The following PATJ variants were observed in gnomAD, a reference collection of about 807,000 sequenced individuals.
The protein encoded by PATJ is PATJ crumbs cell polarity complex component.
In PATJ, 190 loss-of-function variants were observed where a neutral mutation model predicts 224.9. The ratio of observed to expected loss-of-function variants is 0.84; its 90% CI spans 0.75 to 0.95. PATJ has a LOEUF of 0.95. PATJ is among the 40% of genes least tolerant of loss of function. PATJ has a pLI of 0.00. For missense variants in PATJ, 2,121 were observed against 2,270.3 expected (o/e 0.93, Z 1.34); for synonymous variants, 769 against 820.3 (o/e 0.94, Z 1.07).
chr1:61,878,626 T>C (rs970954007), intron 21 of PATJ, among the ~76,000 whole-genome samples: 1 of 151,596 alleles, frequency 6.6e-6, no homozygotes, highest in African/African-American at 2.4e-5. Context: ...GGAGGATCAC[T>C]TGAGTCCAGG....
At chr1:61,878,545 T>C (rs1667648195) in intron 21 of PATJ, among the ~76,000 whole-genome samples, 2 of 152,092 alleles carry the variant, frequency 1.3e-5, no homozygotes, top group South Asian at 4.1e-4. Context: ...TCAGTGATGA[T>C]TATAGGAAAA....
intron 27 of PATJ, among the ~76,000 whole-genome samples, chr1:61,970,082 GT>G (rs1341069851): frequency 6.9e-6 from 1 of 145,516 alleles, no homozygotes; most frequent in Non-Finnish European, 1.5e-5. Context: ...TTTTTTTTTT[GT>G]TTTTTGTTTT....
At chr1:62,119,174 TATC>T (rs1664781580) in intron 37 of PATJ, among the ~76,000 whole-genome samples, 1 of 147,708 alleles carries the variant, frequency 6.8e-6, no homozygotes. Flanking sequence ...AAATATATCT[TATC>T]ATCACCTTGT....
chr1:62,020,943 A>G (rs144773148), intron 29 of PATJ, among the ~76,000 whole-genome samples: 1,588 of 152,108 alleles, frequency 0.01, 30 homozygotes, highest in African/African-American at 0.036. Context: ...CTCATGCCTC[A>G]ATCTCCCGAG....
chr1:61,770,745 AC>A (rs923205659), intron 5 of PATJ, among the ~76,000 whole-genome samples: 4 of 152,078 alleles, frequency 2.6e-5, no homozygotes, highest in Admixed American at 1.3e-4. Context: ...CCCCATCTCT[AC>A]AAAAAATACA....
At chr1:61,943,079 GA>G (rs879342275) in intron 27 of PATJ, among the ~76,000 whole-genome samples, 30 of 152,204 alleles carry the variant, frequency 2.0e-4, no homozygotes, top group Admixed American at 9.2e-4. Flanking sequence ...ATTCAGCAAT[GA>G]AAAGGAGTTC....
intron 28 of PATJ, among the ~76,000 whole-genome samples, chr1:61,995,147 T>C (rs775627760): frequency 6.6e-6 from 1 of 152,190 alleles, no homozygotes; most frequent in Non-Finnish European, 1.5e-5. Flanking sequence ...ATTGTAGAAG[T>C]ATACTGCATT....
At chr1:61,983,428 A>G (rs932355825) in intron 27 of PATJ, among the ~76,000 whole-genome samples, 1 of 152,110 alleles carries the variant, frequency 6.6e-6, no homozygotes, top group Non-Finnish European at 1.5e-5. Flanking sequence ...GATAATGTGC[A>G]CGTAGTAATT....
At chr1:61,798,521 A>T (rs535871517) in intron 11 of PATJ, among the ~76,000 whole-genome samples, 1 of 152,288 alleles carries the variant, frequency 6.6e-6, no homozygotes, top group Admixed American at 6.5e-5. Flanking sequence ...TTAATTATCA[A>T]CTTAGAAACA....
intron 29 of PATJ, among the ~76,000 whole-genome samples, chr1:62,026,122 T>C (rs1288563536): frequency 6.6e-6 from 1 of 152,248 alleles, no homozygotes; most frequent in Non-Finnish European, 1.5e-5. Context: ...GGACTTTTAT[T>C]TCCGATTTGA....
At chr1:61,771,262 A>T (rs951569430) in intron 5 of PATJ, among the ~76,000 whole-genome samples, 169 bp from the exon 6 acceptor site, 1 of 152,186 alleles carries the variant, frequency 6.6e-6, no homozygotes, top group Non-Finnish European at 1.5e-5. Context: ...ATTAGTTAAT[A>T]ACTTCTGTGA....
chr1:61,919,094 T>A (rs1185953689), intron 26 of PATJ, among the ~76,000 whole-genome samples: 1 of 152,188 alleles, frequency 6.6e-6, no homozygotes, highest in Non-Finnish European at 1.5e-5. Context: ...TTAATTTTTT[T>A]TTCTGAAGAA....
chr1:61,995,199 T>C (rs1645283616), intron 28 of PATJ, among the ~76,000 whole-genome samples: 1 of 152,206 alleles, frequency 6.6e-6, no homozygotes, highest in African/African-American at 2.4e-5. Context: ...ATTATACCTA[T>C]TGGGTTTCTG....
intron 28 of PATJ, chr1:61,991,888 A>G: frequency 4.5e-6 from 1 of 224,532 alleles, no homozygotes; most frequent in Non-Finnish European, 7.5e-6. Flanking sequence ...CAGTGTACTC[A>G]GTTATTGCTA....
chr1:61,894,440 G>C (rs1670078736), intron 22 of PATJ, among the ~76,000 whole-genome samples: 1 of 152,114 alleles, frequency 6.6e-6, no homozygotes, highest in African/African-American at 2.4e-5. Context: ...GGACCTCATG[G>C]GAGGTGATTG....
At chr1:61,900,066 T>C (rs1670911127) in intron 23 of PATJ, among the ~76,000 whole-genome samples, 2 of 152,224 alleles carry the variant, frequency 1.3e-5, no homozygotes, top group Non-Finnish European at 2.9e-5. Flanking sequence ...ACGTTTGTGC[T>C]AACAGAATGT....
At chr1:61,759,869 T>C (rs1206665910) in intron 1 of PATJ, among the ~76,000 whole-genome samples, 2 of 152,234 alleles carry the variant, frequency 1.3e-5, no homozygotes, top group Admixed American at 1.3e-4. Context: ...AGTGTCAGTA[T>C]ACATTGTGTA....
intron 33 of PATJ, among the ~76,000 whole-genome samples, chr1:62,092,157 T>TG (rs1287830026): frequency 6.6e-6 from 1 of 151,746 alleles, no homozygotes; most frequent in African/African-American, 2.4e-5. Flanking sequence ...ATGGGAGGGT[T>TG]GCTTGAGGCC....
At chr1:62,059,070 G>T (rs891142206) in intron 31 of PATJ, among the ~76,000 whole-genome samples, 3 of 152,048 alleles carry the variant, frequency 2.0e-5, no homozygotes, top group African/African-American at 7.2e-5. Flanking sequence ...CTTCTCTAAT[G>T]CAGCCTGCTT....
Sources: allele counts gnomAD v4.1 joint callset (sites outside exome capture counted in the v4.1 genomes callset), GRCh38; gene constraint gnomAD v4.1.1; transcripts MANE v1.5; gene names NCBI Gene and HGNC (gene_info 2026-07-23, HGNC 2026-07-21).